The following UBE2E2 variants were observed in gnomAD, a reference collection of about 807,000 sequenced individuals.
UBE2E2 encodes the protein ubiquitin conjugating enzyme E2 E2.
In UBE2E2, 6 loss-of-function variants were observed where a neutral mutation model predicts 24.7. The observed-to-expected ratio is 0.24, with a 90% CI of 0.13 to 0.48. The LOEUF (loss-of-function observed/expected upper bound fraction) is 0.48, where lower values mean the gene tolerates loss of function less well. Among genes scored for constraint, UBE2E2 ranks in the 20% least tolerant of loss-of-function variants. UBE2E2 has a pLI of 0.99. For missense variants in UBE2E2, 169 were observed against 245.0 expected (o/e 0.69, Z 2.07); for synonymous variants, 104 against 83.6 (o/e 1.24, Z -1.33).
chr3:23,383,442 T>C (rs1696726044), intron 3 of UBE2E2, among the ~76,000 whole-genome samples: 2 of 151,244 alleles, frequency 1.3e-5, no homozygotes, highest in Admixed American at 6.7e-5. Flanking sequence ...TAGAAGCCGA[T>C]TGACTTTTAA....
At chr3:23,324,898 G>A (rs761520497) in intron 3 of UBE2E2, among the ~76,000 whole-genome samples, 34 of 152,016 alleles carry the variant, frequency 2.2e-4, no homozygotes, top group Non-Finnish European at 4.3e-4. Context: ...GTTCAGTTGT[G>A]AATTACAGGA....
At chr3:23,220,936 C>G (rs1328668644) in intron 3 of UBE2E2, among the ~76,000 whole-genome samples, 1 of 152,134 alleles carries the variant, frequency 6.6e-6, no homozygotes, top group Non-Finnish European at 1.5e-5. Flanking sequence ...AGTGGGCCAG[C>G]AAATCTCCAG....
chr3:23,215,226 A>G (rs1022886856), intron 2 of UBE2E2, among the ~76,000 whole-genome samples: 4 of 152,162 alleles, frequency 2.6e-5, no homozygotes, highest in Admixed American at 2.0e-4. Flanking sequence ...TTACATCTTC[A>G]AAGTTAATAA....
intron 3 of UBE2E2, among the ~76,000 whole-genome samples, chr3:23,349,451 C>G (rs745969755): frequency 5.9e-5 from 9 of 152,178 alleles, no homozygotes; most frequent in Non-Finnish European, 1.3e-4. Flanking sequence ...TCGGGAAGCG[C>G]AAGGGGTCAG....
intron 3 of UBE2E2, among the ~76,000 whole-genome samples, chr3:23,363,216 G>A (rs1223120402): frequency 6.6e-6 from 1 of 152,202 alleles, no homozygotes; most frequent in African/African-American, 2.4e-5. Context: ...ACGTAGACTA[G>A]TAATGCTATA....
chr3:23,337,374 T>A (rs1394745801), intron 3 of UBE2E2, among the ~76,000 whole-genome samples: 1 of 152,150 alleles, frequency 6.6e-6, no homozygotes, highest in Non-Finnish European at 1.5e-5. Context: ...AATTCGGCCC[T>A]GTTTCTGTGC....
chr3:23,503,681 C>T (rs774126852), intron 4 of UBE2E2, among the ~76,000 whole-genome samples: 3 of 151,714 alleles, frequency 2.0e-5, no homozygotes, highest in Non-Finnish European at 4.4e-5. Context: ...TGGCAAAATC[C>T]CATCTCTACT....
chr3:23,489,039 T>C (rs1464124288), intron 3 of UBE2E2, among the ~76,000 whole-genome samples: 3 of 152,150 alleles, frequency 2.0e-5, no homozygotes, highest in South Asian at 2.1e-4. Flanking sequence ...TTTTTTTACT[T>C]CAGTCTTCGT....
chr3:23,512,532 C>G (rs908488484), intron 4 of UBE2E2, among the ~76,000 whole-genome samples: 4 of 152,020 alleles, frequency 2.6e-5, no homozygotes, highest in African/African-American at 9.7e-5. Flanking sequence ...AGCCACTGCA[C>G]CCAACCAGCC....
chr3:23,543,060 C>T (rs1376120044), intron 5 of UBE2E2, among the ~76,000 whole-genome samples: 1 of 152,150 alleles, frequency 6.6e-6, no homozygotes, highest in East Asian at 1.9e-4. Flanking sequence ...TGCCTGTAAT[C>T]CCAGCACTTT....
intron 3 of UBE2E2, among the ~76,000 whole-genome samples, chr3:23,325,849 T>C (rs1251789537): frequency 1.3e-5 from 2 of 152,198 alleles, no homozygotes; most frequent in Non-Finnish European, 2.9e-5. Context: ...CTGGCAAAAT[T>C]ATCAATATCA....
intron 3 of UBE2E2, among the ~76,000 whole-genome samples, chr3:23,461,559 A>G (rs191975477): frequency 3.4e-3 from 524 of 152,192 alleles, no homozygotes; most frequent in South Asian, 0.023. Flanking sequence ...CTACTTCTAG[A>G]CCATTGTTCT....
intron 4 of UBE2E2, 115 bp from the exon 5 acceptor site, chr3:23,532,439 A>G: frequency 1.1e-6 from 1 of 890,620 alleles, no homozygotes; most frequent in East Asian, 2.8e-5. Flanking sequence ...ATGTTAACCA[A>G]TAGCCTGGGC....
At chr3:23,430,780 C>T (rs1163426223) in intron 3 of UBE2E2, among the ~76,000 whole-genome samples, 2 of 152,128 alleles carry the variant, frequency 1.3e-5, no homozygotes, top group Non-Finnish European at 2.9e-5. Context: ...CTCAGCCTTC[C>T]AAAGGGCTAA....
At chr3:23,390,034 T>C (rs983105579) in intron 3 of UBE2E2, 2 of 152,198 alleles carry the variant, frequency 1.3e-5, no homozygotes, top group African/African-American at 4.8e-5. Flanking sequence ...GGCTCCTAGA[T>C]GCTTGAGGAA....
At position 23,342,708 on chromosome 3, in the gene UBE2E2, T is replaced by G. The variant is rs1462316950; in HGVS notation, c.227+125396T>G. Among the ~76,000 whole-genome samples the G allele has an allele frequency of 2.0e-5, 3 of 152,312 alleles. No individual in the cohort carries two copies. In the East Asian group the frequency reaches 5.8e-4, roughly 29 times the overall value. On this transcript the variant is annotated intron_variant, in intron 3 of 5. Coordinates refer to ENST00000396703, the MANE Select transcript of UBE2E2 (RefSeq NM_152653.4). ...CAAGAATACATACATGTATATTTTC[T>G]TGGAAATACTATGGAATATAAATGA... is the stretch of plus-strand genomic sequence containing the variant.
At chr3:23,443,108 A>G (rs778624492) in intron 3 of UBE2E2, among the ~76,000 whole-genome samples, 1 of 152,070 alleles carries the variant, frequency 6.6e-6, no homozygotes, top group Non-Finnish European at 1.5e-5. Context: ...CGTGGCCATT[A>G]ATGGACCAAG....
chr3:23,231,609 C>T (rs191327366), intron 3 of UBE2E2, among the ~76,000 whole-genome samples: 1 of 152,274 alleles, frequency 6.6e-6, no homozygotes, highest in Non-Finnish European at 1.5e-5. Context: ...ACACTCTCTA[C>T]CTGGAGGTAG....
intron 3 of UBE2E2, among the ~76,000 whole-genome samples, chr3:23,482,000 A>G (rs1194947109): frequency 3.9e-5 from 6 of 152,290 alleles, no homozygotes; most frequent in East Asian, 3.9e-4. Flanking sequence ...TAAATCACCA[A>G]CTCGAGTGCT....
Sources: gnomAD v4.1 joint callset for allele counts (sites outside exome capture counted in the v4.1 genomes callset) on GRCh38, gnomAD v4.1.1 for gene constraint, MANE v1.5 for transcripts, NCBI Gene and HGNC (gene_info 2026-07-23, HGNC 2026-07-21) for gene names.